PTGR1: variants seen among roughly 807,000 people sequenced by gnomAD.
PTGR1 encodes prostaglandin reductase 1.
In PTGR1, 23 loss-of-function variants were observed where a neutral mutation model predicts 37.7. The ratio of observed to expected loss-of-function variants is 0.61; its 90% CI spans 0.44 to 0.86. The LOEUF is 0.86. Among genes scored for constraint, PTGR1 ranks in the 40% least tolerant of loss-of-function variants. The probability of loss-of-function intolerance (pLI) is 0.00; values close to 1 mark genes in which losing one functional copy is unlikely to be tolerated. For missense variants in PTGR1, 351 were observed against 394.3 expected, an observed-to-expected ratio of 0.89 and a Z score of 0.93; for synonymous variants, 134 against 140.0, an observed-to-expected ratio of 0.96 and a Z score of 0.30.
At chr9:111,555,333 CTT>C (rs1418721179) in intron 9 of PTGR1, among the ~76,000 whole-genome samples, 29 of 152,104 alleles carry the variant, frequency 1.9e-4, no homozygotes, top group Admixed American at 1.8e-3. Flanking sequence ...TTTTCAAACT[CTT>C]TAGCCTCTGA....
intron 9 of PTGR1, among the ~76,000 whole-genome samples, chr9:111,565,275 GA>G (rs1828505436): frequency 6.6e-6 from 1 of 152,172 alleles, no homozygotes; most frequent in South Asian, 2.1e-4. Flanking sequence ...AAGTTGAAAA[GA>G]GAGAGGCCTG....
intron 7 of PTGR1, 67 bp from the exon 8 acceptor site, chr9:111,574,909 T>G: frequency 7.9e-7 from 1 of 1,270,810 alleles, no homozygotes; most frequent in Non-Finnish European, 1.1e-6. Context: ...AATCATTAAG[T>G]CACAAGCATT....
At chr9:111,592,078 T>C (rs1681630369) in intron 4 of PTGR1, among the ~76,000 whole-genome samples, 1 of 152,192 alleles carries the variant, frequency 6.6e-6, no homozygotes, top group Non-Finnish European at 1.5e-5. Flanking sequence ...GGGGCACCTG[T>C]CCATATGGAT....
intron 6 of PTGR1, among the ~76,000 whole-genome samples, chr9:111,582,547 C>T (rs1190936328): frequency 6.6e-6 from 1 of 152,076 alleles, no homozygotes; most frequent in Non-Finnish European, 1.5e-5. Flanking sequence ...ACCATACATA[C>T]GTAAAGCTTA....
chr9:111,565,687 C>T (rs1828530839), intron 9 of PTGR1, among the ~76,000 whole-genome samples: 1 of 151,962 alleles, frequency 6.6e-6, no homozygotes, highest in South Asian at 2.1e-4. Context: ...CTGCACCCAG[C>T]TAATTTTTTA....
rs1412484698 is a variant in PTGR1 at position 111,586,287 on chromosome 9, A to G, written c.210-122T>C. 4 of 907,386 alleles carry G rather than the reference A, an allele frequency of 4.4e-6. No homozygotes were observed. In the African/African-American group the frequency reaches 5.0e-5, roughly 11 times the overall value. 56.2% of individuals were successfully genotyped at this position (907,386 alleles called of 1,614,324 possible). Reference sequence around the variant, plus strand: ...CTGAGGTTGATATTCCACAACTGATAGTCCACCACCCCTCTCCATCTTAAT... The same window carrying G: ...CTGAGGTTGATATTCCACAACTGATGGTCCACCACCCCTCTCCATCTTAAT... On this transcript the variant is annotated intron_variant, in intron 4 of 9. Coordinates refer to ENST00000407693, the MANE Select transcript of PTGR1 (RefSeq NM_001146108.2).
At chr9:111,550,443 CT>C (rs1426096986) in intron 9 of PTGR1, among the ~76,000 whole-genome samples, 1 of 152,190 alleles carries the variant, frequency 6.6e-6, no homozygotes, top group Non-Finnish European at 1.5e-5. Flanking sequence ...GGGGTTGTGT[CT>C]CCACAGCTGC....
intron 5 of PTGR1, among the ~76,000 whole-genome samples, chr9:111,584,015 T>C (rs1177188912): frequency 6.6e-6 from 1 of 152,168 alleles, no homozygotes; most frequent in African/African-American, 2.4e-5. Flanking sequence ...TGCTGTGATA[T>C]TAGGCATGAG....
chr9:111,584,051 T>C (rs138494503), intron 5 of PTGR1, among the ~76,000 whole-genome samples: 405 of 152,254 alleles, frequency 2.7e-3, no homozygotes, highest in African/African-American at 8.0e-3. Context: ...ATCTGGAGCT[T>C]TCCATGGCTC....
chr9:111,581,758 A>C (rs770829082), intron 6 of PTGR1, among the ~76,000 whole-genome samples: 1 of 152,170 alleles, frequency 6.6e-6, no homozygotes, highest in Non-Finnish European at 1.5e-5. Flanking sequence ...TTATAGGCAC[A>C]CAGCACTGCA....
chr9:111,567,525 A>G (rs1485212730), intron 9 of PTGR1, among the ~76,000 whole-genome samples: 1 of 152,098 alleles, frequency 6.6e-6, no homozygotes, highest in Non-Finnish European at 1.5e-5. Context: ...ACGTGAGAGA[A>G]TTCAGCAAGC....
intron 9 of PTGR1, chr9:111,564,098 G>T: frequency 4.3e-6 from 1 of 234,256 alleles, no homozygotes; most frequent in Admixed American, 6.4e-5. Flanking sequence ...GCCTACTAAT[G>T]GGAACTAATT....
intron 9 of PTGR1, among the ~76,000 whole-genome samples, chr9:111,569,328 G>A (rs1828708189): frequency 6.6e-6 from 1 of 152,128 alleles, no homozygotes; most frequent in South Asian, 2.1e-4. Flanking sequence ...AGTCTGAGGA[G>A]GACCAATCAG....
intron 4 of PTGR1, among the ~76,000 whole-genome samples, chr9:111,588,557 A>C (rs1829511562): frequency 7.8e-6 from 1 of 128,298 alleles, no homozygotes; most frequent in African/African-American, 3.0e-5. Context: ...CAAGAGTTTC[A>C]ATCTGTTGCC....
intron 9 of PTGR1, among the ~76,000 whole-genome samples, chr9:111,557,334 A>T (rs1828153173): frequency 6.6e-6 from 1 of 151,838 alleles, no homozygotes; most frequent in African/African-American, 2.4e-5. Flanking sequence ...AGATGGTGCC[A>T]CTGCACTCCA....
At chr9:111,565,226 A>G (rs1398567284) in intron 9 of PTGR1, among the ~76,000 whole-genome samples, 1 of 152,156 alleles carries the variant, frequency 6.6e-6, no homozygotes, top group African/African-American at 2.4e-5. Context: ...ACACAGAGAG[A>G]AGGCCACGTG....
At chr9:111,589,426 GT>G (rs1264730922) in intron 4 of PTGR1, 1 of 872,778 alleles carries the variant, frequency 1.1e-6, no homozygotes, top group Non-Finnish European at 1.4e-6. Flanking sequence ...AGAATGAGAT[GT>G]TTGGTTTTTT....
At chr9:111,590,869 G>C (rs1263511227) in intron 4 of PTGR1, among the ~76,000 whole-genome samples, 1 of 152,206 alleles carries the variant, frequency 6.6e-6, no homozygotes, top group Non-Finnish European at 1.5e-5. Context: ...GTTGTTATCA[G>C]TAGTAGATTA....
In PTGR1 at chr9:111,563,222, G is replaced by A. The variant is rs1828389302; in HGVS notation, c.889C>T (p.Gln297Ter). The A allele has an allele frequency of 1.9e-6, 3 of 1,612,364 alleles. No homozygotes were observed. Among genetic ancestry groups the A allele is most frequent in the Non-Finnish European group, 2.5e-6 (3 of 1,179,196 alleles). ...CCTTCAATGATATATTCCTTGTACT[G>A]GATTTTACCCTGTATCAAAGCAACA... ...LLKWVLEGKI[Q>*]YKEYIIEGFE... The change falls in exon 10 of 10, where the codon CAG becomes TAG. Residue 297 changes from glutamine to a stop codon, truncating the protein, a stop_gained. Transcript: ENST00000407693. LOFTEE classifies it high-confidence loss of function.
Sources: allele counts gnomAD v4.1 joint callset (sites outside exome capture counted in the v4.1 genomes callset), GRCh38; gene constraint gnomAD v4.1.1; transcripts MANE v1.5; gene names NCBI Gene and HGNC (gene_info 2026-07-23, HGNC 2026-07-21).